The following WDPCP variants were observed in gnomAD, a reference collection of about 807,000 sequenced individuals.
The protein encoded by WDPCP is WD repeat containing planar cell polarity effector.
A neutral mutation model predicts 93.1 loss-of-function variants in WDPCP; 71 were observed. The observed-to-expected ratio is 0.76, with a 90% CI of 0.63 to 0.93. The LOEUF (loss-of-function observed/expected upper bound fraction) is 0.93, where lower values mean the gene tolerates loss of function less well. Ranked by LOEUF, WDPCP falls within the 40% of genes least tolerant of loss-of-function variation. WDPCP has a pLI of 0.00. For missense variants in WDPCP, 844 were observed against 887.4 expected (o/e 0.95, Z 0.62); for synonymous variants, 315 against 315.0 (o/e 1.00, Z 0.00).
chr2:63,620,662 C>T (rs113535573), intron 3 of WDPCP, among the ~76,000 whole-genome samples: 29,254 of 152,222 alleles, frequency 0.19, 3,640 homozygotes, highest in Non-Finnish European at 0.25. Flanking sequence ...CAACACAGTG[C>T]TTGAGCTCTG....
chr2:63,486,554 T>C lies in WDPCP; in HGVS notation c.241A>G (p.Lys81Glu). ...TEHGNLEKKQKLAESRDYPWT... is the reference protein window; with the variant it reads ...TEHGNLEKKQELAESRDYPWT... Reference sequence around the variant, plus strand: ...AAAGTAAGCTTACACTCTGCCAGCTTCTGCTTCTTTTCTAAGTTACCATGC... The same window carrying C: ...AAAGTAAGCTTACACTCTGCCAGCTCCTGCTTCTTTTCTAAGTTACCATGC... Residue 81 changes from lysine to glutamate, a missense_variant, in exon 4 of 18, where the codon AAG becomes GAG. Physicochemically the swap from Lys to Glu is moderately conservative, Grantham distance 56. Transcript: ENST00000272321. The C allele has an allele frequency of 6.3e-7, 1 of 1,576,332 alleles. No individual in the cohort carries two copies. The highest frequency in any genetic ancestry group is 8.6e-7 in the Non-Finnish European group (1 of 1,157,828).
chr2:63,295,649 T>C (rs956207394), intron 13 of WDPCP, among the ~76,000 whole-genome samples: 17 of 151,796 alleles, frequency 1.1e-4, no homozygotes, highest in African/African-American at 4.1e-4. Flanking sequence ...TATACACACA[T>C]AAACCAGAAA....
intron 2 of WDPCP, among the ~76,000 whole-genome samples, chr2:63,487,728 G>A (rs1395963452): frequency 6.6e-6 from 1 of 152,034 alleles, no homozygotes; most frequent in Non-Finnish European, 1.5e-5. Context: ...AACTAGAATG[G>A]CATGAGAAAA....
chr2:63,611,724 C>A (rs1709617178), intron 3 of WDPCP, among the ~76,000 whole-genome samples: 2 of 152,178 alleles, frequency 1.3e-5, no homozygotes, highest in Admixed American at 1.3e-4. Context: ...AAAATGGTTA[C>A]TGACTCAGTA....
intron 1 of WDPCP, 57 bp downstream of exon 1, chr2:63,588,140 C>A: frequency 6.5e-7 from 1 of 1,541,866 alleles, no homozygotes; most frequent in South Asian, 1.2e-5. Context: ...GGCGCACCAA[C>A]CGCATTCCGG....
chr2:63,528,734 T>C (rs1703569099), intron 1 of WDPCP, among the ~76,000 whole-genome samples: 1 of 152,232 alleles, frequency 6.6e-6, no homozygotes, highest in Non-Finnish European at 1.5e-5. Flanking sequence ...TAAAGTTGTT[T>C]TTCCAATTCT....
In WDPCP at chr2:63,236,592, A is replaced by G. The variant is rs935225054; in HGVS notation, c.1915+22715T>C. Among the ~76,000 whole-genome samples, 3 of 152,212 alleles carry G rather than the reference A, an allele frequency of 2.0e-5. No homozygotes were observed. The East Asian group carries it at 5.8e-4, about 29-fold the overall frequency. The stretch of plus-strand genomic sequence containing the variant: ...ACTTCAAACGACATTACAAGACTGC[A>G]GTAACCGAAACAGCATGGTACTGGT... On this transcript the variant is annotated intron_variant, in intron 14 of 17. Transcript: ENST00000272321.
chr2:63,186,125 A>G (rs757596388), intron 14 of WDPCP, among the ~76,000 whole-genome samples: 1 of 152,146 alleles, frequency 6.6e-6, no homozygotes, highest in African/African-American at 2.4e-5. Context: ...CTTAGAACCA[A>G]TGGAGTTGAA....
intron 6 of WDPCP, among the ~76,000 whole-genome samples, chr2:63,459,679 G>A (rs946400656): frequency 1.3e-5 from 2 of 152,192 alleles, no homozygotes; most frequent in African/African-American, 4.8e-5. Context: ...ACTTTGGGAG[G>A]CTGAGGCAGG....
intron 6 of WDPCP, among the ~76,000 whole-genome samples, chr2:63,458,178 C>G (rs1698769081): frequency 6.7e-6 from 1 of 150,350 alleles, no homozygotes; most frequent in African/African-American, 2.4e-5. Context: ...CCACTTTCAC[C>G]ATTCCTAATC....
At chr2:63,492,759 T>C in intron 2 of WDPCP, 97 bp downstream of exon 2, 1 of 1,115,014 alleles carries the variant, frequency 9.0e-7, no homozygotes, top group Non-Finnish European at 1.3e-6. Context: ...AGAATGCAAC[T>C]CCAGCTGGAG....
intron 14 of WDPCP, among the ~76,000 whole-genome samples, chr2:63,238,375 AACT>A (rs1679581762): frequency 6.6e-6 from 1 of 152,160 alleles, no homozygotes; most frequent in South Asian, 2.1e-4. Context: ...GTGACTGGGG[AACT>A]ACATTTTAAA....
At chr2:63,760,842 G>C (rs555491588) in intron 2 of WDPCP, among the ~76,000 whole-genome samples, 1 of 152,278 alleles carries the variant, frequency 6.6e-6, no homozygotes, top group African/African-American at 2.4e-5. Context: ...GAGTTCTTCA[G>C]AGTCAAGGCC....
chr2:63,259,188 G>T (rs1241410585), intron 14 of WDPCP, 119 bp downstream of exon 14: 2 of 826,014 alleles, frequency 2.4e-6, no homozygotes, highest in Non-Finnish European at 4.0e-6. Context: ...TTTTTATAAG[G>T]CACTGTCTTT....
intron 3 of WDPCP, chr2:63,643,474 CT>C: frequency 2.9e-6 from 1 of 343,410 alleles, no homozygotes; most frequent in Non-Finnish European, 5.8e-6. Context: ...CCTGGTTATC[CT>C]TCCCAGGTTA....
intron 2 of WDPCP, among the ~76,000 whole-genome samples, chr2:63,666,316 A>G (rs1710282097): frequency 6.6e-6 from 1 of 152,192 alleles, no homozygotes; most frequent in Non-Finnish European, 1.5e-5. Flanking sequence ...CTCTACTGCT[A>G]GCAGGAAGGA....
intron 1 of WDPCP, among the ~76,000 whole-genome samples, chr2:63,543,127 G>A (rs1417146789): frequency 6.6e-6 from 1 of 152,016 alleles, no homozygotes; most frequent in Admixed American, 6.6e-5. Context: ...GTTTGTTAAT[G>A]GAAAATAAGT....
At chr2:63,626,780 G>T (rs113512157) in intron 3 of WDPCP, among the ~76,000 whole-genome samples, 6 of 152,216 alleles carry the variant, frequency 3.9e-5, no homozygotes, top group African/African-American at 1.4e-4. Flanking sequence ...ATTCCTCAAG[G>T]ATCTAGAACC....
At chr2:63,475,135 A>G (rs777549749) in intron 6 of WDPCP, among the ~76,000 whole-genome samples, 2 of 152,184 alleles carry the variant, frequency 1.3e-5, no homozygotes, top group Non-Finnish European at 2.9e-5. Flanking sequence ...GTTTATCATA[A>G]TAGTGAAACT....
Sources: allele counts gnomAD v4.1 joint callset (sites outside exome capture counted in the v4.1 genomes callset), GRCh38; gene constraint gnomAD v4.1.1; transcripts MANE v1.5; gene names NCBI Gene and HGNC (gene_info 2026-07-23, HGNC 2026-07-21).